The following TBCD variants were observed in gnomAD, a reference collection of about 807,000 sequenced individuals.
The protein encoded by TBCD is tubulin folding cofactor D, also known as tubulin-specific chaperone D.
A neutral mutation model predicts 169.3 loss-of-function variants in TBCD; 105 were observed. The observed-to-expected ratio is 0.62, with a 90% CI of 0.53 to 0.73. TBCD has a LOEUF of 0.73. Among genes scored for constraint, TBCD ranks in the 30% least tolerant of loss-of-function variants. The probability of loss-of-function intolerance (pLI) is 0.00; values close to 1 mark genes in which losing one functional copy is unlikely to be tolerated. For synonymous variants in TBCD, 700 were observed against 643.9 expected (o/e 1.09, Z -1.32); for missense variants, 1,444 against 1,600.1 (o/e 0.90, Z 1.66).
intron 13 of TBCD, among the ~76,000 whole-genome samples, chr17:82,817,637 G>A (rs538497649): frequency 2.0e-5 from 3 of 152,060 alleles, no homozygotes; most frequent in Non-Finnish European, 4.4e-5. Context: ...GTAGAGATGG[G>A]GGTCTCACTA....
intron 34 of TBCD, 151 bp downstream of exon 34, chr17:82,932,886 C>G: frequency 1.5e-6 from 1 of 673,670 alleles, no homozygotes; most frequent in Non-Finnish European, 2.5e-6. Context: ...ATACCGTCAT[C>G]ACAGCTGGCC....
chr17:82,772,026 C>G (rs1386401463), intron 5 of TBCD, among the ~76,000 whole-genome samples: 1 of 152,112 alleles, frequency 6.6e-6, no homozygotes, highest in East Asian at 1.9e-4. Context: ...TGTAGTAAAT[C>G]TAGGTGCTCT....
intron 13 of TBCD, among the ~76,000 whole-genome samples, chr17:82,843,221 C>T (rs2054678146): frequency 1.3e-5 from 2 of 152,058 alleles, no homozygotes. Context: ...CTCCAGTGAA[C>T]TCTCATATGC....
In TBCD at chr17:82,930,430, C is replaced by G. The variant is rs965418395; in HGVS notation, c.2992-92C>G. ...GTCTCTGCAGCTCGGAGCAGTTCTG[C>G]TCTTCAGCAGATGCTTGACCGGCTG... is the stretch of plus-strand genomic sequence containing the variant. On this transcript the variant is annotated intron_variant, in intron 32 of 38. Coordinates refer to ENST00000355528, the MANE Select transcript of TBCD (RefSeq NM_005993.5). This position sits in a 1 kb window ranked among gnomAD's most constrained non-coding sequence, Gnocchi z 5.2. 2 of 1,522,228 alleles carry G rather than the reference C, an allele frequency of 1.3e-6. No individual in the cohort carries two copies. Among genetic ancestry groups the G allele is most frequent in the African/African-American group, 1.4e-5 (1 of 72,908 alleles). 94.3% of individuals were successfully genotyped at this position (1,522,228 alleles called of 1,614,324 possible). A position where few individuals can be genotyped will look rare whatever the true frequency, so the allele number is the denominator to read the frequency against.
At position 82,826,376 on chromosome 17, in the gene TBCD, A is replaced by T. The variant is rs893119418; in HGVS notation, c.1318+11442A>T. ...TTATTGAAATTTAGCTCTTAATAAG[A>T]TAGCTGTTTAGTTTGAGTTATCTTT... is the stretch of plus-strand genomic sequence containing the variant. On this transcript the variant is annotated intron_variant, in intron 13 of 38. Coordinates refer to ENST00000355528, the MANE Select transcript of TBCD (RefSeq NM_005993.5). 3.9e-5 allele frequency among the ~76,000 whole-genome samples: 6 copies of T among 152,274 alleles called. No homozygotes were observed. In the East Asian group the frequency reaches 1.2e-3, roughly 29 times the overall value.
chr17:82,807,400 A>C (rs890792226), intron 10 of TBCD, among the ~76,000 whole-genome samples: 7 of 151,114 alleles, frequency 4.6e-5, no homozygotes, highest in Non-Finnish European at 8.9e-5. Context: ...TCTCTTTCTT[A>C]GGAACAGAGA....
At chr17:82,905,400 C>A (rs1014956305) in intron 19 of TBCD, among the ~76,000 whole-genome samples, 1 of 152,260 alleles carries the variant, frequency 6.6e-6, no homozygotes, top group Non-Finnish European at 1.5e-5. Flanking sequence ...TGCATCACCA[C>A]GGGTGCCGTC....
At chr17:82,824,640 G>A (rs1443221078) in intron 13 of TBCD, among the ~76,000 whole-genome samples, 1 of 152,182 alleles carries the variant, frequency 6.6e-6, no homozygotes, top group Non-Finnish European at 1.5e-5. Flanking sequence ...TTGCAGGTGT[G>A]CACCACCGCC....
intron 12 of TBCD, among the ~76,000 whole-genome samples, chr17:82,810,175 A>T (rs1276715118): frequency 6.6e-6 from 1 of 152,148 alleles, no homozygotes; most frequent in Non-Finnish European, 1.5e-5. Context: ...CCAAGGCCTG[A>T]GTTTGAATTG....
intron 23 of TBCD, chr17:82,914,155 G>A (rs1195978535): frequency 1.3e-5 from 2 of 152,336 alleles, no homozygotes; most frequent in East Asian, 3.9e-4. Flanking sequence ...AAACACTGAT[G>A]TGCTTCGTCC....
chr17:82,877,306 T>A (rs1238203611), intron 14 of TBCD, among the ~76,000 whole-genome samples: 1 of 152,248 alleles, frequency 6.6e-6, no homozygotes, highest in African/African-American at 2.4e-5. Flanking sequence ...TGAAAAGATT[T>A]AGAATAAACT....
intron 17 of TBCD, chr17:82,895,695 C>A (rs553494885): frequency 6.6e-6 from 1 of 152,226 alleles, no homozygotes; most frequent in Non-Finnish European, 1.5e-5. Context: ...TGGCATCACT[C>A]CGCAGGTGGA....
intron 13 of TBCD, among the ~76,000 whole-genome samples, chr17:82,844,984 A>G (rs1949398969): frequency 6.6e-6 from 1 of 151,480 alleles, no homozygotes; most frequent in Non-Finnish European, 1.5e-5. Flanking sequence ...GCAGAGTTAC[A>G]CCAGAGGTGG....
At chr17:82,902,797 T>C (rs539218708) in intron 18 of TBCD, among the ~76,000 whole-genome samples, 1 of 152,340 alleles carries the variant, frequency 6.6e-6, no homozygotes, top group African/African-American at 2.4e-5. Flanking sequence ...GACCACTTGC[T>C]GCTCCAGCTG....
At chr17:82,866,748 T>G (rs2057200378) in intron 13 of TBCD, among the ~76,000 whole-genome samples, 1 of 152,344 alleles carries the variant, frequency 6.6e-6, no homozygotes. Context: ...CTGCTGGGAC[T>G]CAGCCCTGCG....
chr17:82,908,817 A>G (rs74001710), intron 21 of TBCD, among the ~76,000 whole-genome samples: 4,404 of 152,362 alleles, frequency 0.029, 223 homozygotes, highest in African/African-American at 0.1. Context: ...GTGAGAATTA[A>G]AGAATACATT....
intron 13 of TBCD, among the ~76,000 whole-genome samples, chr17:82,823,672 TA>T (rs1239508235): frequency 4.6e-5 from 7 of 152,170 alleles, no homozygotes. Flanking sequence ...AAGGATCCTT[TA>T]TTTTTTTTCA....
Position 82,884,428 on chromosome 17 carries a change from C to T in TBCD, c.1533+226C>T, listed in dbSNP as rs1342880886. 6.6e-6 allele frequency among the ~76,000 whole-genome samples: 1 copy of T among 152,196 alleles called. No homozygotes were observed. On this transcript the variant is annotated intron_variant, in intron 15 of 38. Transcript: ENST00000355528. This position sits in a 1 kb window ranked among gnomAD's most constrained non-coding sequence, Gnocchi z 4.2. ...GGGTTAAGCATCCCCAGAGCTGCAG[C>T]CATCACTGCTGGGGGTTGATGGGTG...
At chr17:82,859,517 G>C (rs2056592323) in intron 13 of TBCD, 1 of 983,512 alleles carries the variant, frequency 1.0e-6, no homozygotes, top group Non-Finnish European at 1.2e-6. Flanking sequence ...ATTGGGCCTT[G>C]TGTGTCCTGT....
Sources: gnomAD v4.1 joint callset for allele counts (sites outside exome capture counted in the v4.1 genomes callset) on GRCh38, gnomAD v4.1.1 for gene constraint, Gnocchi (gnomAD v3.1) non-coding constraint, MANE v1.5 for transcripts, NCBI Gene and HGNC (gene_info 2026-07-23, HGNC 2026-07-21) for gene names.